The following KDM5B variants were observed in gnomAD, a reference collection of about 807,000 sequenced individuals.
KDM5B encodes the protein lysine-specific demethylase 5B.
KDM5B carries 144 observed loss-of-function variants against 193.4 expected under a neutral mutation model. That is an observed-to-expected ratio of 0.74 (90% CI 0.65 to 0.86). KDM5B has a LOEUF of 0.86. Among genes scored for constraint, KDM5B ranks in the 40% least tolerant of loss-of-function variants. KDM5B has a pLI of 0.00. For missense variants in KDM5B, 1,833 were observed against 1,886.9 expected (o/e 0.97, Z 0.53); for synonymous variants, 668 against 682.6 (o/e 0.98, Z 0.33).
intron 8 of KDM5B, among the ~76,000 whole-genome samples, chr1:202,759,532 T>C (rs6680991): frequency 0.63 from 91,477 of 146,276 alleles, 30,948 homozygotes; most frequent in Middle Eastern, 0.78. Flanking sequence ...GCCTGGGTGA[T>C]AGAGTGAGAT....
rs757180103 is a variant in KDM5B, at chr1:202,755,343, A to G, written c.1466T>C (p.Val489Ala). 1.6e-5 allele frequency: 26 copies of G among 1,614,010 alleles called. No individual in the cohort carries two copies. Among genetic ancestry groups the G allele is most frequent in the Non-Finnish European group, 5.9e-6 (7 of 1,179,954 alleles). ...ACAGAATGAAGAAAAGCACATTCCC[A>G]CATACAACCAAGGAAGTTTCATGCC... The part of the protein sequence containing the change: ...ICGMKLPWLY[V>A]GMCFSSFCWH... The change falls in exon 11 of 27, where the codon GTG becomes GCG. Residue 489 changes from valine (V) to alanine (A), a missense_variant. This residue lies in a region of KDM5B where 1,379 missense variants were observed against 1,349.6 expected (regional missense o/e 1.02). Transcript: ENST00000367265.
intron 1 of KDM5B, among the ~76,000 whole-genome samples, chr1:202,805,684 T>C (rs557118409): frequency 6.6e-6 from 1 of 152,214 alleles, no homozygotes; most frequent in African/African-American, 2.4e-5. Context: ...ATATATCAAC[T>C]ATATGAAACC....
At position 202,767,685 on chromosome 1, in the gene KDM5B, T is replaced by TACAG. The variant is rs533317644; in HGVS notation, c.577-629_577-626dup. On this transcript the variant is annotated intron_variant, in intron 4 of 26. Transcript: ENST00000367265. ...GTTACCAACCACATACATACATCTA[T>TACAG]ACAGGTTTAAAACATTAAAAAAAAT... Among the ~76,000 whole-genome samples the TACAG allele has an allele frequency of 2.0e-3, 301 of 152,204 alleles. 1 individual carries two copies. The highest frequency in any genetic ancestry group is 3.8e-3 in the African/African-American group (159 of 41,532).
At chr1:202,760,282 C>A (rs547595057) in intron 8 of KDM5B, 133 bp downstream of exon 8, 1 of 633,486 alleles carries the variant, frequency 1.6e-6, no homozygotes, top group African/African-American at 1.9e-5. Flanking sequence ...TGCCACTGCA[C>A]TCCAGCCTGG....
At chr1:202,769,309 TAC>T (rs1200336189) in intron 4 of KDM5B, among the ~76,000 whole-genome samples, 1 of 151,238 alleles carries the variant, frequency 6.6e-6, no homozygotes, top group Non-Finnish European at 1.5e-5. Flanking sequence ...GTGCTGGGAT[TAC>T]AGGCGTGAGC....
At chr1:202,782,113 AAT>A (rs1657222393) in intron 1 of KDM5B, among the ~76,000 whole-genome samples, 1 of 152,186 alleles carries the variant, frequency 6.6e-6, no homozygotes, top group Non-Finnish European at 1.5e-5. Flanking sequence ...AGTGGGTATA[AAT>A]ATGTTTAAAA....
At chr1:202,748,226 C>T (rs1226023757) in intron 14 of KDM5B, among the ~76,000 whole-genome samples, 1 of 152,110 alleles carries the variant, frequency 6.6e-6, no homozygotes, top group East Asian at 1.9e-4. Context: ...AACCTTGACT[C>T]ATATTTTTGA....
chr1:202,729,942 C>CT lies in KDM5B; in HGVS notation c.4261dup (p.Ser1421LysfsTer2). The CT allele has an allele frequency of 6.2e-7, 1 of 1,614,130 alleles. No individual in the cohort carries two copies. On this transcript the variant is annotated frameshift_variant, in exon 26 of 27. Transcript: ENST00000367265. LOFTEE classifies it high-confidence loss of function. The stretch of plus-strand genomic sequence containing the variant: ...TTTCTTAACTCGTTCCCACCGCTCA[C>CT]TGGAGAGGCCCTCTCTTTCCAGGCG...
At chr1:202,781,073 T>C (rs948510605) in intron 1 of KDM5B, among the ~76,000 whole-genome samples, 1 of 152,208 alleles carries the variant, frequency 6.6e-6, no homozygotes, top group Non-Finnish European at 1.5e-5. Flanking sequence ...CTCAGCACTT[T>C]GGGCTGCAGC....
intron 11 of KDM5B, among the ~76,000 whole-genome samples, chr1:202,754,536 C>T (rs1489015590): frequency 6.6e-6 from 1 of 152,174 alleles, no homozygotes; most frequent in East Asian, 1.9e-4. Context: ...AAAAGAGAGG[C>T]TAGTCATTAC....
intron 4 of KDM5B, among the ~76,000 whole-genome samples, chr1:202,769,452 TTGA>T (rs1656619193): frequency 6.6e-6 from 1 of 151,212 alleles, no homozygotes; most frequent in Non-Finnish European, 1.5e-5. Context: ...GGTAGATCAC[TTGA>T]GGTCAGGAGT....
chr1:202,796,270 T>C (rs1340033526), intron 1 of KDM5B: 3 of 418,712 alleles, frequency 7.2e-6, no homozygotes, highest in Admixed American at 2.7e-5. Flanking sequence ...GGAGCCTCTG[T>C]ACCTATGACC....
At chr1:202,771,738 C>T (rs1264611634) in intron 4 of KDM5B, among the ~76,000 whole-genome samples, 1 of 152,018 alleles carries the variant, frequency 6.6e-6, no homozygotes, top group Non-Finnish European at 1.5e-5. Context: ...CGCACCACCA[C>T]GCTCAGCTAA....
chr1:202,746,038 G>GATGTTTT (rs952673690), intron 15 of KDM5B, 56 bp from the exon 16 acceptor site: 1 of 1,605,660 alleles, frequency 6.2e-7, no homozygotes, highest in Non-Finnish European at 8.5e-7. Context: ...GAGAAAACTA[G>GATGTTTT]ATGTTTTATA....
At chr1:202,774,845 ATTT>A (rs11337395) in intron 2 of KDM5B, 110 bp from the exon 3 acceptor site, 22 of 1,012,178 alleles carry the variant, frequency 2.2e-5, no homozygotes, top group South Asian at 6.5e-5. Flanking sequence ...ACTTAAAAAA[ATTT>A]TTTTTTAATT....
In KDM5B at chr1:202,753,047, T is replaced by C; in HGVS notation, c.1559A>G (p.Tyr520Cys). The C allele has an allele frequency of 1.2e-6, 2 of 1,613,376 alleles. No homozygotes were observed. Among genetic ancestry groups the C allele is most frequent in the Non-Finnish European group, 1.7e-6 (2 of 1,179,830 alleles). Residue 520 changes from tyrosine to cysteine, a missense_variant, in exon 12 of 27, where the codon TAT (tyrosine) becomes TGT (cysteine). By Grantham distance (194) the Tyr-to-Cys change is radical. Coordinates refer to ENST00000367265, the MANE Select transcript of KDM5B (RefSeq NM_006618.5). ...CTCAGCAGCATACCCTGGGACTCCATACCAGGTTTTTGGCTCACCCCTGGA... is the reference window on the plus strand; with the variant it reads ...CTCAGCAGCATACCCTGGGACTCCACACCAGGTTTTTGGCTCACCCCTGGA... ...YLHWGEPKTWYGVPGYAAEQL... is the reference protein window; with the variant it reads ...YLHWGEPKTWCGVPGYAAEQL...
chr1:202,783,089 T>C (rs553410961), intron 1 of KDM5B, among the ~76,000 whole-genome samples: 4 of 152,202 alleles, frequency 2.6e-5, no homozygotes, highest in Admixed American at 6.5e-5. Context: ...CTAATAAAAA[T>C]ACAAAAATTA....
intron 6 of KDM5B, among the ~76,000 whole-genome samples, chr1:202,763,164 T>A (rs938782789): frequency 1.3e-5 from 2 of 152,140 alleles, no homozygotes; most frequent in African/African-American, 4.8e-5. Flanking sequence ...ACCAACTATA[T>A]CTCCTCCACA....
At chr1:202,776,734 T>A (rs563221149) in intron 2 of KDM5B, among the ~76,000 whole-genome samples, 18 of 152,128 alleles carry the variant, frequency 1.2e-4, no homozygotes, top group African/African-American at 4.3e-4. Flanking sequence ...GCTAATTTTT[T>A]AAACTATGTT....
Sources: allele counts gnomAD v4.1 joint callset (sites outside exome capture counted in the v4.1 genomes callset), GRCh38; gene constraint gnomAD v4.1.1; regional missense constraint gnomAD v4.1.1; transcripts MANE v1.5; gene names NCBI Gene and HGNC (gene_info 2026-07-23, HGNC 2026-07-21).